Variants in OXCT1 observed in about 807,000 individuals in gnomAD.
The protein encoded by OXCT1 is succinyl-CoA:3-ketoacid coenzyme A transferase 1, mitochondrial.
Under a neutral mutation model 69.6 loss-of-function variants are expected in OXCT1, and 27 were observed. The observed-to-expected ratio is 0.39, with a 90% CI of 0.29 to 0.54. OXCT1 has a LOEUF of 0.54. Among genes scored for constraint, OXCT1 ranks in the 20% least tolerant of loss-of-function variants. The pLI, the probability that OXCT1 is intolerant of heterozygous loss-of-function variation, is 0.72. For synonymous variants in OXCT1, 202 were observed against 217.8 expected, an observed-to-expected ratio of 0.93 and a Z score of 0.64; for missense variants, 437 against 650.2, an observed-to-expected ratio of 0.67 and a Z score of 3.57.
intron 14 of OXCT1, among the ~76,000 whole-genome samples, chr5:41,760,121 C>A (rs1744276323): frequency 6.6e-6 from 1 of 152,120 alleles, no homozygotes; most frequent in African/African-American, 2.4e-5. Context: ...ATAGCAGGTT[C>A]CCTGTCTTCC....
chr5:41,793,461 T>G (rs992120209), intron 13 of OXCT1, among the ~76,000 whole-genome samples: 3 of 152,240 alleles, frequency 2.0e-5, no homozygotes, highest in Admixed American at 2.0e-4. Context: ...TAGGTCACTA[T>G]TAAATGACAA....
Position 41,850,017 on chromosome 5 carries a change from G to A in OXCT1, c.564+13C>T, listed in dbSNP as rs767943532. On this transcript the variant is annotated intron_variant, in intron 5 of 16. Transcript: ENST00000196371. The stretch of plus-strand genomic sequence containing the variant: ...AGGGATCCTGGTATAATCTGGTTAA[G>A]AGTGTTTCTTACCTCTCTTGGCTTA... The A allele has an allele frequency of 2.0e-5, 33 of 1,613,428 alleles. No individual in the cohort carries two copies. Among genetic ancestry groups the A allele is most frequent in the Non-Finnish European group, 2.5e-6 (3 of 1,179,544 alleles).
chr5:41,738,277 A>G (rs1742989270), intron 16 of OXCT1, among the ~76,000 whole-genome samples: 1 of 152,138 alleles, frequency 6.6e-6, no homozygotes, highest in Non-Finnish European at 1.5e-5. Flanking sequence ...CCTTTCTGAT[A>G]TGGTTTGGCT....
chr5:41,841,987 C>T (rs1276618272), intron 6 of OXCT1, among the ~76,000 whole-genome samples: 1 of 152,092 alleles, frequency 6.6e-6, no homozygotes, highest in Non-Finnish European at 1.5e-5. Flanking sequence ...ACAATGATTT[C>T]TGTAATCTGA....
Position 41,762,319 on chromosome 5 carries a change from T to G in OXCT1, c.1249-119A>C. On this transcript the variant is annotated intron_variant, in intron 13 of 16. Transcript: ENST00000196371. This position sits in a 1 kb window ranked among gnomAD's most constrained non-coding sequence, Gnocchi z 4.0. ...TAAAAACTCATTGTCCTTCATTGCTTAGTGCTTGAAGTTCTATAACCTAAT... is the reference window on the plus strand; with the variant it reads ...TAAAAACTCATTGTCCTTCATTGCTGAGTGCTTGAAGTTCTATAACCTAAT... 3.6e-6 allele frequency: 3 copies of G among 828,518 alleles called. No individual in the cohort carries two copies. Among genetic ancestry groups the G allele is most frequent in the Non-Finnish European group, 6.4e-6 (3 of 469,230 alleles). 51.3% of individuals were successfully genotyped at this position (828,518 alleles called of 1,614,324 possible). A position where few individuals can be genotyped will look rare whatever the true frequency, so the allele number is the denominator to read the frequency against.
chr5:41,747,781 T>C (rs544993582), intron 15 of OXCT1, among the ~76,000 whole-genome samples: 2 of 152,198 alleles, frequency 1.3e-5, no homozygotes, highest in South Asian at 4.2e-4. Context: ...AAAAGGTACA[T>C]ACTGTGAAAT....
At chr5:41,737,451 A>C (rs1742940599) in intron 16 of OXCT1, among the ~76,000 whole-genome samples, 1 of 152,168 alleles carries the variant, frequency 6.6e-6, no homozygotes, top group African/African-American at 2.4e-5. Flanking sequence ...TGCAAAAAAA[A>C]ACTGAACATT....
chr5:41,767,722 G>GTGTGTATATATATATATATA (rs1554011237), intron 13 of OXCT1, among the ~76,000 whole-genome samples: 1 of 89,972 alleles, frequency 1.1e-5, no homozygotes, highest in Non-Finnish European at 2.0e-5. Context: ...ATATGTGTGT[G>GTGTGTATATATATATATATA]TATATATATA....
chr5:41,745,234 A>G (rs1186695440), intron 15 of OXCT1, among the ~76,000 whole-genome samples: 1 of 152,164 alleles, frequency 6.6e-6, no homozygotes, highest in African/African-American at 2.4e-5. Flanking sequence ...ACTAGAACTC[A>G]GGATTAAGAA....
chr5:41,783,097 ATAT>A (rs1315161542), intron 13 of OXCT1, among the ~76,000 whole-genome samples: 1 of 152,264 alleles, frequency 6.6e-6, no homozygotes, highest in Non-Finnish European at 1.5e-5. Flanking sequence ...TATGGATAGA[ATAT>A]GTGCAGCATT....
chr5:41,762,359 T>C lies in OXCT1; in HGVS notation c.1249-159A>G, dbSNP rs539645637. ...TATAACCTAATATTCTGTCACTCTA[T>C]TATTCTGTGGTTGAAGGATAAAGTT... On this transcript the variant is annotated intron_variant, in intron 13 of 16. Transcript: ENST00000196371. The surrounding 1 kb of genome is among the most constrained non-coding windows in gnomAD (Gnocchi z 4.0). 2.6e-5 allele frequency among the ~76,000 whole-genome samples: 4 copies of C among 152,294 alleles called. No homozygotes were observed. The highest frequency in any genetic ancestry group is 5.9e-5 in the Non-Finnish European group (4 of 68,014).
chr5:41,838,777 C>A (rs865793265), intron 7 of OXCT1, among the ~76,000 whole-genome samples: 1 of 152,108 alleles, frequency 6.6e-6, no homozygotes, highest in Non-Finnish European at 1.5e-5. Flanking sequence ...GCACATGCCA[C>A]CACGTCTGGC....
chr5:41,811,790 A>G (rs536529512), intron 7 of OXCT1, among the ~76,000 whole-genome samples: 3 of 152,142 alleles, frequency 2.0e-5, no homozygotes, highest in Non-Finnish European at 4.4e-5. Flanking sequence ...ATGCCAACAG[A>G]CATTCCACAA....
chr5:41,740,783 T>C (rs1743123428), intron 15 of OXCT1, among the ~76,000 whole-genome samples: 1 of 152,194 alleles, frequency 6.6e-6, no homozygotes, highest in South Asian at 2.1e-4. Context: ...CTGCTTCTCC[T>C]ATGGCTTTAG....
chr5:41,821,782 G>C (rs1747564002), intron 7 of OXCT1, among the ~76,000 whole-genome samples: 1 of 152,144 alleles, frequency 6.6e-6, no homozygotes, highest in African/African-American at 2.4e-5. Context: ...TTTTGTGATA[G>C]GGTGATTTTC....
chr5:41,827,549 G>A (rs1285909497), intron 7 of OXCT1, among the ~76,000 whole-genome samples: 1 of 152,174 alleles, frequency 6.6e-6, no homozygotes, highest in Non-Finnish European at 1.5e-5. Context: ...CGGAAATGGT[G>A]CTCAAGTGTG....
intron 13 of OXCT1, among the ~76,000 whole-genome samples, chr5:41,775,381 T>C (rs1745073129): frequency 6.6e-6 from 1 of 152,218 alleles, no homozygotes; most frequent in Non-Finnish European, 1.5e-5. Context: ...TTTTACTTGC[T>C]ATTATTGGTT....
At chr5:41,859,868 T>C in intron 3 of OXCT1, among the ~76,000 whole-genome samples, 1 of 114,710 alleles carries the variant, frequency 8.7e-6, no homozygotes, top group Non-Finnish European at 1.9e-5. Flanking sequence ...TATAGTAATA[T>C]ATATATATAT....
chr5:41,733,436 G>A (rs886867628), intron 16 of OXCT1, among the ~76,000 whole-genome samples: 6 of 151,802 alleles, frequency 4.0e-5, no homozygotes, highest in Non-Finnish European at 5.9e-5. Context: ...TAGTAGAGAC[G>A]GGGTTTCTCC....
Sources: allele counts gnomAD v4.1 joint callset (sites outside exome capture counted in the v4.1 genomes callset), GRCh38; gene constraint gnomAD v4.1.1; non-coding constraint Gnocchi (gnomAD v3.1); transcripts MANE v1.5; gene names NCBI Gene and HGNC (gene_info 2026-07-23, HGNC 2026-07-21).